Variants in ERC2 observed in about 807,000 individuals in gnomAD.
The protein encoded by ERC2 is ERC protein 2.
ERC2 carries 42 observed loss-of-function variants against 114.8 expected under a neutral mutation model. That is an observed-to-expected ratio of 0.37 (90% CI 0.29 to 0.47). ERC2 has a LOEUF of 0.47. Among genes scored for constraint, ERC2 ranks in the 20% least tolerant of loss-of-function variants. ERC2 has a pLI of 0.99. For synonymous variants in ERC2, 454 were observed against 425.5 expected, an observed-to-expected ratio of 1.07 and a Z score of -0.82; for missense variants, 939 against 1,150.7, an observed-to-expected ratio of 0.82 and a Z score of 2.66.
chr3:55,997,880 G>GTTTTTTTT (rs869077498), intron 10 of ERC2, among the ~76,000 whole-genome samples: 6 of 44,772 alleles, frequency 1.3e-4, no homozygotes, highest in African/African-American at 4.4e-4. Flanking sequence ...TCTTAATTCT[G>GTTTTTTTT]TTTTTTTTTT....
At chr3:56,118,992 T>C (rs188571958) in intron 6 of ERC2, among the ~76,000 whole-genome samples, 3 of 152,340 alleles carry the variant, frequency 2.0e-5, no homozygotes, top group African/African-American at 7.2e-5. Context: ...GGCCAGGTAG[T>C]AAATATTTTT....
In ERC2 at chr3:56,149,086, T is replaced by C. The variant is rs1033811176; in HGVS notation, c.1196A>G (p.Asp399Gly). The stretch of plus-strand genomic sequence containing the variant: ...ATTGGCTTTTAACATCTGGATCTCA[T>C]CCTCAAGATCCCTTATGTTTCGTTC... The part of the protein sequence containing the change: ...SLERNIRDLE[D>G]EIQMLKANGV... The change falls in exon 5 of 18, where the codon GAT (aspartate) becomes GGT (glycine). Residue 399 changes from aspartate (D) to glycine (G), a missense_variant. Asp to Gly is a moderately conservative substitution (Grantham distance 94). This residue lies in a region of ERC2 where 148 missense variants were observed against 159.1 expected (regional missense o/e 0.93). Transcript: ENST00000288221. 1 of 1,612,826 alleles carries C rather than the reference T, an allele frequency of 6.2e-7. No individual in the cohort carries two copies. The highest frequency in any genetic ancestry group is 8.5e-7 in the Non-Finnish European group (1 of 1,179,218).
At chr3:55,875,724 A>ACACACACACTCT (rs1491351730) in intron 14 of ERC2, among the ~76,000 whole-genome samples, 279 of 141,092 alleles carry the variant, frequency 2.0e-3, no homozygotes, top group African/African-American at 7.3e-3. Flanking sequence ...ACACACACAC[A>ACACACACACTCT]CTCTCTCTCT....
chr3:55,840,325 A>G (rs901947205), intron 14 of ERC2, among the ~76,000 whole-genome samples: 5 of 152,082 alleles, frequency 3.3e-5, no homozygotes, highest in African/African-American at 1.2e-4. Flanking sequence ...ATATGAACAA[A>G]CATTTCACCA....
At chr3:55,947,355 G>A (rs2067188856) in intron 13 of ERC2, among the ~76,000 whole-genome samples, 1 of 152,100 alleles carries the variant, frequency 6.6e-6, no homozygotes, top group African/African-American at 2.4e-5. Flanking sequence ...TTTCTCCAGG[G>A]CTTGTCTCTT....
chr3:56,321,890 T>C (rs1202159585), intron 2 of ERC2, among the ~76,000 whole-genome samples: 3 of 152,182 alleles, frequency 2.0e-5, no homozygotes, highest in African/African-American at 7.2e-5. Flanking sequence ...GTAAATGCAA[T>C]AAACTCACCA....
At chr3:56,222,956 A>G (rs1300039967) in intron 3 of ERC2, among the ~76,000 whole-genome samples, 1 of 152,172 alleles carries the variant, frequency 6.6e-6, no homozygotes, top group East Asian at 1.9e-4. Context: ...TTGGCTTCGT[A>G]TTGAGACCAT....
At chr3:55,976,211 G>A (rs1203009098) in intron 12 of ERC2, among the ~76,000 whole-genome samples, 1 of 152,168 alleles carries the variant, frequency 6.6e-6, no homozygotes, top group African/African-American at 2.4e-5. Context: ...AAGGAAATCT[G>A]AGAAATTGGC....
At chr3:55,841,794 T>C (rs1441618003) in intron 14 of ERC2, among the ~76,000 whole-genome samples, 15 of 152,094 alleles carry the variant, frequency 9.9e-5, no homozygotes, top group Admixed American at 8.5e-4. Context: ...AAAAACACCA[T>C]GAGGAAACTG....
At chr3:56,439,288 T>A (rs935697187) in intron 1 of ERC2, among the ~76,000 whole-genome samples, 4 of 152,090 alleles carry the variant, frequency 2.6e-5, no homozygotes, top group South Asian at 2.1e-4. Flanking sequence ...CTAAAAAAAA[T>A]TTTTAAATTA....
At chr3:55,526,530 C>G (rs1373139856) in intron 17 of ERC2, among the ~76,000 whole-genome samples, 1 of 152,154 alleles carries the variant, frequency 6.6e-6, no homozygotes, top group Admixed American at 6.5e-5. Context: ...GTGGCTCTCC[C>G]AAGGGTGGCT....
In ERC2 at chr3:56,173,535, G is replaced by A. The variant is rs781373902; in HGVS notation, c.1075-15C>T. ...CGGTGCAATTCCTGGGGAGGAACAC[G>A]ATAGAAATAAGCCTGACGGTTCATC... On this transcript the variant is annotated splice_polypyrimidine_tract_variant and intron_variant, in intron 3 of 17. Coordinates refer to ENST00000288221, the MANE Select transcript of ERC2 (RefSeq NM_015576.3). 2.5e-6 allele frequency: 4 copies of A among 1,612,900 alleles called. No individual in the cohort carries two copies. Among genetic ancestry groups the A allele is most frequent in the South Asian group, 1.1e-5 (1 of 91,048 alleles).
chr3:56,431,561 C>T (rs2061789817), intron 2 of ERC2, among the ~76,000 whole-genome samples: 1 of 152,172 alleles, frequency 6.6e-6, no homozygotes, highest in South Asian at 2.1e-4. Flanking sequence ...ATATGTTAAT[C>T]CACTGAGATT....
intron 4 of ERC2, among the ~76,000 whole-genome samples, chr3:56,162,593 T>G (rs896732642): frequency 6.6e-6 from 1 of 152,210 alleles, no homozygotes; most frequent in African/African-American, 2.4e-5. Context: ...TAAGTCTTCC[T>G]CATTGAATCT....
At position 56,362,089 on chromosome 3, in the gene ERC2, C is replaced by T. The variant is rs1032993459; in HGVS notation, c.658-65654G>A. Among the ~76,000 whole-genome samples, 7 of 152,202 alleles carry T rather than the reference C, an allele frequency of 4.6e-5. No homozygotes were observed. The South Asian group carries it at 6.2e-4, about 14-fold the overall frequency. ...TGTCTGAAGGATTCAGGAAATTTCC[C>T]GGTAAGACAAGGTAGAGAATGAACA... On this transcript the variant is annotated intron_variant, in intron 2 of 17. Transcript: ENST00000288221.
intron 17 of ERC2, among the ~76,000 whole-genome samples, chr3:55,565,940 C>T (rs2056341918): frequency 2.0e-5 from 3 of 152,350 alleles, no homozygotes; most frequent in Admixed American, 1.3e-4. Context: ...AACTACACTT[C>T]TCTCAAATTC....
chr3:56,020,464 G>A (rs2073633244), intron 7 of ERC2, among the ~76,000 whole-genome samples: 1 of 152,006 alleles, frequency 6.6e-6, no homozygotes, highest in African/African-American at 2.4e-5. Context: ...GCCACTCCTT[G>A]GAAAACACAG....
At chr3:55,638,344 G>A (rs2060037855) in intron 17 of ERC2, among the ~76,000 whole-genome samples, 1 of 152,156 alleles carries the variant, frequency 6.6e-6, no homozygotes, top group South Asian at 2.1e-4. Flanking sequence ...TTCTCAAATG[G>A]TTAATGTCGA....
chr3:55,970,009 A>G (rs1349277306), intron 12 of ERC2, among the ~76,000 whole-genome samples: 2 of 152,194 alleles, frequency 1.3e-5, no homozygotes, highest in Non-Finnish European at 2.9e-5. Context: ...CATCCATTTC[A>G]AAGGTAACTA....
Sources: gnomAD v4.1 joint callset for allele counts (sites outside exome capture counted in the v4.1 genomes callset) on GRCh38, gnomAD v4.1.1 for gene constraint, gnomAD v4.1.1 regional missense constraint, MANE v1.5 for transcripts, NCBI Gene and HGNC (gene_info 2026-07-23, HGNC 2026-07-21) for gene names.